PPME1: variants seen among roughly 807,000 people sequenced by gnomAD.
PPME1 encodes the protein testicular secretory protein Li 39.
PPME1 carries 17 observed loss-of-function variants against 56.9 expected under a neutral mutation model. The ratio of observed to expected loss-of-function variants is 0.30; its 90% CI spans 0.20 to 0.45. The LOEUF (loss-of-function observed/expected upper bound fraction) is 0.45. Among genes scored for constraint, PPME1 ranks in the 20% least tolerant of loss-of-function variants. The pLI is 1.00. For missense variants in PPME1, 357 were observed against 483.2 expected (o/e 0.74, Z 2.45); for synonymous variants, 122 against 156.2 (o/e 0.78, Z 1.63).
At chr11:74,176,692 A>G (rs1375294956) in intron 1 of PPME1, among the ~76,000 whole-genome samples, 4 of 110,462 alleles carry the variant, frequency 3.6e-5, no homozygotes, top group African/African-American at 3.4e-5. Context: ...GGAATCATTT[A>G]TATTTTTTCC....
chr11:74,250,319 T>A (rs2135683421), intron 11 of PPME1: 1 of 152,378 alleles, frequency 6.6e-6, no homozygotes, highest in South Asian at 2.1e-4. Flanking sequence ...GAGCTTACAG[T>A]GTTCTGTAAG....
intron 3 of PPME1, among the ~76,000 whole-genome samples, chr11:74,211,694 T>C (rs1858479872): frequency 1.3e-5 from 2 of 152,106 alleles, no homozygotes; most frequent in African/African-American, 4.8e-5. Context: ...AAATATTTCA[T>C]ATATGTGCAA....
chr11:74,237,140 A>G (rs879381577), intron 8 of PPME1, among the ~76,000 whole-genome samples: 2 of 149,394 alleles, frequency 1.3e-5, no homozygotes, highest in African/African-American at 2.4e-5. Context: ...ATAATTTAAC[A>G]TATTCCTTTG....
rs148319475 is a variant in PPME1 at position 74,239,353 on chromosome 11, C to T, written c.834+97C>T. 1.0e-3 allele frequency: 1,561 copies of T among 1,494,050 alleles called. 2 individuals carry two copies. The highest frequency in any genetic ancestry group is 1.3e-3 in the Non-Finnish European group (1,422 of 1,123,218). 92.5% of individuals were successfully genotyped at this position (1,494,050 alleles called of 1,614,324 possible). ...TGATAACATTGTTCTTTTTGTTTGC[C>T]ATTAGGTATTTTAGGGAGCCAAGAC... On this transcript the variant is annotated intron_variant, in intron 9 of 13. Transcript: ENST00000328257.
At chr11:74,215,717 A>G (rs911864869) in intron 3 of PPME1, among the ~76,000 whole-genome samples, 6 of 152,218 alleles carry the variant, frequency 3.9e-5, no homozygotes, top group Non-Finnish European at 5.9e-5. Flanking sequence ...GGAGTGGCTG[A>G]ATGAATACAA....
chr11:74,199,675 C>T (rs540712118), intron 1 of PPME1, among the ~76,000 whole-genome samples: 4 of 152,246 alleles, frequency 2.6e-5, no homozygotes, highest in Admixed American at 2.0e-4. Context: ...CTATATTAGT[C>T]TGTTTTACGC....
intron 3 of PPME1, among the ~76,000 whole-genome samples, chr11:74,214,093 CAG>C (rs369304332): frequency 1.3e-5 from 2 of 152,164 alleles, no homozygotes; most frequent in African/African-American, 4.8e-5. Context: ...TTTGAGATAA[CAG>C]AGAAGGAATT....
chr11:74,185,571 T>C (rs1053553814), intron 1 of PPME1, among the ~76,000 whole-genome samples: 1 of 151,960 alleles, frequency 6.6e-6, no homozygotes, highest in Non-Finnish European at 1.5e-5. Flanking sequence ...CTGTCTGTTC[T>C]CTTGCTTTCA....
intron 8 of PPME1, 163 bp downstream of exon 8, chr11:74,236,129 C>G (rs1272617175): frequency 8.5e-7 from 1 of 1,177,944 alleles, no homozygotes; most frequent in Admixed American, 3.1e-5. Flanking sequence ...CATAGATTTT[C>G]TTTCGCCTGC....
chr11:74,236,018 G>A (rs369327515), intron 8 of PPME1, 52 bp downstream of exon 8: 52 of 1,587,814 alleles, frequency 3.3e-5, no homozygotes, highest in African/African-American at 4.0e-5. Context: ...ACATGGTGAG[G>A]GAATTACAGA....
At chr11:74,249,650 C>T (rs2135682331) in intron 11 of PPME1, 1 of 152,312 alleles carries the variant, frequency 6.6e-6, no homozygotes, top group Non-Finnish European at 1.5e-5. Context: ...GTGCCCTACC[C>T]TGTGTTAGGT....
chr11:74,235,875 C>T (rs375500283), intron 7 of PPME1, 26 bp from the exon 8 acceptor site: 36 of 1,598,742 alleles, frequency 2.3e-5, no homozygotes, highest in African/African-American at 4.0e-5. Flanking sequence ...GAATAACCTT[C>T]TCTCTTCCTT....
intron 1 of PPME1, among the ~76,000 whole-genome samples, chr11:74,201,753 A>G (rs1858174447): frequency 6.6e-6 from 1 of 152,220 alleles, no homozygotes; most frequent in Admixed American, 6.5e-5. Context: ...AATATTATGT[A>G]CTATTACTAT....
chr11:74,184,549 C>T (rs1857621772), intron 1 of PPME1, among the ~76,000 whole-genome samples: 1 of 152,144 alleles, frequency 6.6e-6, no homozygotes, highest in African/African-American at 2.4e-5. Flanking sequence ...CTTCCCTAAC[C>T]AGATTGATGT....
Position 74,230,860 on chromosome 11 carries a change from A to G in PPME1, c.554-52A>G, listed in dbSNP as rs533753887. On this transcript the variant is annotated intron_variant, in intron 6 of 13. Coordinates refer to ENST00000328257, the MANE Select transcript of PPME1 (RefSeq NM_016147.3). The surrounding 1 kb of genome is among the most constrained non-coding windows in gnomAD (Gnocchi z 4.9). The stretch of plus-strand genomic sequence containing the variant: ...ATATAGTAGTTGACTCAGTAAGTGT[A>G]AATGCTCAGAATAAGTTAAATATGT... 7.5e-7 allele frequency: 1 copy of G among 1,335,758 alleles called. No individual in the cohort carries two copies. The highest frequency in any genetic ancestry group is 1.4e-5 in the African/African-American group (1 of 69,010). The allele number at this position is 1,335,758 out of a possible 1,614,324, so 82.7% of individuals were successfully genotyped here. A position where few individuals can be genotyped will look rare whatever the true frequency, so the allele number is the denominator to read the frequency against.
intron 9 of PPME1, among the ~76,000 whole-genome samples, chr11:74,239,827 G>A (rs934118551): frequency 5.3e-5 from 8 of 151,874 alleles, no homozygotes; most frequent in Admixed American, 2.0e-4. Context: ...TGATCCACCC[G>A]CCTTGGCCTC....
chr11:74,229,670 G>T (rs1354229182), intron 5 of PPME1, among the ~76,000 whole-genome samples: 1 of 152,110 alleles, frequency 6.6e-6, no homozygotes, highest in Non-Finnish European at 1.5e-5. Flanking sequence ...GTGTTTTCTT[G>T]TTCCCTTCTC....
chr11:74,219,926 C>T (rs989549092), intron 3 of PPME1, among the ~76,000 whole-genome samples: 1 of 151,992 alleles, frequency 6.6e-6, no homozygotes, highest in Non-Finnish European at 1.5e-5. Flanking sequence ...GTTTTCAACA[C>T]GAAGAAAGGA....
intron 2 of PPME1, 111 bp from the exon 3 acceptor site, chr11:74,204,242 A>C: frequency 1.3e-6 from 1 of 772,568 alleles, no homozygotes; most frequent in Non-Finnish European, 2.1e-6. Context: ...CATCTCTTAC[A>C]TTTGGCAGTC....
Sources: allele counts gnomAD v4.1 joint callset (sites outside exome capture counted in the v4.1 genomes callset), GRCh38; gene constraint gnomAD v4.1.1; non-coding constraint Gnocchi (gnomAD v3.1); transcripts MANE v1.5; gene names NCBI Gene and HGNC (gene_info 2026-07-23, HGNC 2026-07-21).